Variants in SLC6A18 observed in about 807,000 individuals in gnomAD.
The protein encoded by SLC6A18 is inactive sodium-dependent neutral amino acid transporter B(0)AT3.
SLC6A18 carries 58 observed loss-of-function variants against 62.9 expected under a neutral mutation model. That is an observed-to-expected ratio of 0.92 (90% CI 0.75 to 1.15). SLC6A18 has a LOEUF of 1.15. Ranked by LOEUF, SLC6A18 falls within the 50% of genes most tolerant of loss-of-function variation. The pLI, the probability that SLC6A18 is intolerant of heterozygous loss-of-function variation, is 0.00. For synonymous variants in SLC6A18, 382 were observed against 365.8 expected (o/e 1.04, Z -0.51); for missense variants, 793 against 836.6 (o/e 0.95, Z 0.64).
chr5:1,235,459 G>A, intron 3 of SLC6A18, 22 bp from the exon 4 acceptor site: 2 of 1,610,400 alleles, frequency 1.2e-6, no homozygotes, highest in Non-Finnish European at 1.7e-6. Context: ...CAGCCAGCCT[G>A]TGACAGGCCC....
At chr5:1,231,417 T>G (rs984703456) in intron 1 of SLC6A18, among the ~76,000 whole-genome samples, 2 of 152,164 alleles carry the variant, frequency 1.3e-5, no homozygotes, top group Admixed American at 6.5e-5. Context: ...CCAGCCCTGA[T>G]GCAGCTCTCA....
chr5:1,230,726 G>A (rs1278462535), intron 1 of SLC6A18, among the ~76,000 whole-genome samples: 69 of 152,178 alleles, frequency 4.5e-4, no homozygotes, highest in Admixed American at 4.4e-3. Context: ...TGCCAGGCGC[G>A]GAGACGCACG....
chr5:1,227,993 C>T lies in SLC6A18; in HGVS notation c.160+2356C>T, dbSNP rs1462799604. Among the ~76,000 whole-genome samples the T allele has an allele frequency of 2.6e-5, 4 of 151,952 alleles. No homozygotes were observed. In the East Asian group the frequency reaches 5.8e-4, roughly 22 times the overall value. On this transcript the variant is annotated intron_variant, in intron 1 of 11. Transcript: ENST00000324642. ...CCCCCTCCCCGCTACTTCCTGCCTC[C>T]GGTGTTCAACCGACTTCTGTATCTG...
Position 1,232,284 on chromosome 5 carries a change from C to A in SLC6A18, c.226C>A (p.Leu76Ile). ...GGGGATCCCCATTTTCCACGTCGAG[C>A]TCGCCATCGGCCAGCGGCTGCGGAA... ...FEGIPIFHVE[L>I]AIGQRLRKGS... Residue 76 changes from leucine (L) to isoleucine (I), a missense_variant, in exon 2 of 12, where the codon CTC (leucine) becomes ATC (isoleucine). By Grantham distance (5) the Leu-to-Ile change is conservative. Coordinates refer to ENST00000324642, the MANE Select transcript of SLC6A18 (RefSeq NM_182632.3). 4.3e-6 allele frequency: 7 copies of A among 1,613,018 alleles called. No individual in the cohort carries two copies. Among genetic ancestry groups the A allele is most frequent in the Non-Finnish European group, 5.9e-6 (7 of 1,179,906 alleles).
Position 1,226,444 on chromosome 5 carries a change from A to G in SLC6A18, c.160+807A>G, listed in dbSNP as rs376455794. On this transcript the variant is annotated intron_variant, in intron 1 of 11. Transcript: ENST00000324642. ...CTTCCCAGGCCGCAGGGTCCTCCTC[A>G]GGCCAGGCCGGGCTGCTTGGTCAGC... 6.6e-3 allele frequency among the ~76,000 whole-genome samples: 1,002 copies of G among 152,292 alleles called. 13 individuals are homozygous for G. The highest frequency in any genetic ancestry group is 0.023 in the African/African-American group (954 of 41,556).
At position 1,240,660 on chromosome 5, in the gene SLC6A18, G is replaced by A. The variant is rs914793743; in HGVS notation, c.974+1G>A. ...ATGACTACGAGCACTGCCTGGACAG[G>A]TGAGCACAGGTGCCGCGCCTGGCTC... On this transcript the variant is annotated splice_donor_variant, in intron 7 of 11. Coordinates refer to ENST00000324642, the MANE Select transcript of SLC6A18 (RefSeq NM_182632.3). LOFTEE classifies it high-confidence loss of function. 6 of 1,613,600 alleles carry A rather than the reference G, an allele frequency of 3.7e-6. No individual in the cohort carries two copies. In the East Asian group the frequency reaches 1.3e-4, roughly 36 times the overall value.
At chr5:1,232,428 G>A (rs1437941753) in intron 2 of SLC6A18, 69 bp downstream of exon 2, 2 of 1,544,568 alleles carry the variant, frequency 1.3e-6, no homozygotes, top group Non-Finnish European at 1.8e-6. Flanking sequence ...TGAGAGGTGG[G>A]GCGGGGGCGG....
In SLC6A18 at chr5:1,241,018, G is replaced by A. The variant is rs906478600; in HGVS notation, c.974+359G>A. On this transcript the variant is annotated intron_variant, in intron 7 of 11. Coordinates refer to ENST00000324642, the MANE Select transcript of SLC6A18 (RefSeq NM_182632.3). The surrounding 1 kb of genome is among the most constrained non-coding windows in gnomAD (Gnocchi z 7.8). Reference sequence around the variant, plus strand: ...CCACAGCCCAGGGATGCCTGAAGGTGCAGAAGCTGGAAGAGGCGGGAGGAG... The same window carrying A: ...CCACAGCCCAGGGATGCCTGAAGGTACAGAAGCTGGAAGAGGCGGGAGGAG... Among the ~76,000 whole-genome samples the A allele has an allele frequency of 1.3e-5, 2 of 152,238 alleles. No homozygotes were observed. Among genetic ancestry groups the A allele is most frequent in the African/African-American group, 2.4e-5 (1 of 41,462 alleles).
chr5:1,233,850 T>G (rs1281628850), intron 3 of SLC6A18, among the ~76,000 whole-genome samples: 1 of 151,810 alleles, frequency 6.6e-6, no homozygotes, highest in Non-Finnish European at 1.5e-5. Flanking sequence ...CACGCCATTC[T>G]CCTGCCTCAG....
chr5:1,242,836 C>T lies in SLC6A18; in HGVS notation c.1104C>T (p.Ala368=). 6.2e-7 allele frequency: 1 copy of T among 1,612,390 alleles called. No individual in the cohort carries two copies. ...PKRVAQLPLK[A]CLLEDFLDKS... is the part of the protein sequence containing the mutation. ...GGGTGGCCCAGCTCCCCCTGAAGGC[C>T]TGCCTCCTGGAAGACTTTCTGGATA... Residue 368 remains alanine (A), a synonymous_variant, in exon 8 of 12, where the codon GCC becomes GCT. Transcript: ENST00000324642.
In SLC6A18 at chr5:1,225,421, T is replaced by A; in HGVS notation, c.-57T>A. ...GCAGAGGCTGGAGACGGCTCTCTAGTGCTGGGTGTGGAGTGAGGCACCACC... is the reference window on the plus strand; with the variant it reads ...GCAGAGGCTGGAGACGGCTCTCTAGAGCTGGGTGTGGAGTGAGGCACCACC... On this transcript the variant is annotated 5_prime_UTR_variant, in exon 1 of 12. Coordinates refer to ENST00000324642, the MANE Select transcript of SLC6A18 (RefSeq NM_182632.3). 1 of 1,544,350 alleles carries A rather than the reference T, an allele frequency of 6.5e-7. No homozygotes were observed. The highest frequency in any genetic ancestry group is 8.7e-7 in the Non-Finnish European group (1 of 1,145,174).
rs565804074 is a variant in SLC6A18 at position 1,228,577 on chromosome 5, G to A, written c.160+2940G>A. Among the ~76,000 whole-genome samples the A allele has an allele frequency of 7.1e-4, 108 of 152,324 alleles. 1 individual carries two copies. The highest frequency in any genetic ancestry group is 3.4e-3 in the Middle Eastern group (1 of 294). On this transcript the variant is annotated intron_variant, in intron 1 of 11. Coordinates refer to ENST00000324642, the MANE Select transcript of SLC6A18 (RefSeq NM_182632.3). The stretch of plus-strand genomic sequence containing the variant: ...GGATCGATTGTAACAGCAGCCAGCC[G>A]TTCACAGCCACCTTTCCCGTCTTCG...
At chr5:1,236,410 C>T (rs1481395225) in intron 4 of SLC6A18, among the ~76,000 whole-genome samples, 1 of 152,170 alleles carries the variant, frequency 6.6e-6, no homozygotes, top group Non-Finnish European at 1.5e-5. Context: ...ACAGCAAATG[C>T]ATTGTTATCA....
rs1447122289 is a variant in SLC6A18 at position 1,241,325 on chromosome 5, G to T, written c.974+666G>T. 6.6e-6 allele frequency among the ~76,000 whole-genome samples: 1 copy of T among 152,200 alleles called. No individual in the cohort carries two copies. The highest frequency in any genetic ancestry group is 1.9e-4 in the East Asian group (1 of 5,194). On this transcript the variant is annotated intron_variant, in intron 7 of 11. Transcript: ENST00000324642. This position sits in a 1 kb window ranked among gnomAD's most constrained non-coding sequence, Gnocchi z 7.8. ...AGACAGCACGTCCCTGCAACATGGGGTGACTCTGACCCCACCAGGGTACAT... is the reference window on the plus strand; with the variant it reads ...AGACAGCACGTCCCTGCAACATGGGTTGACTCTGACCCCACCAGGGTACAT...
chr5:1,233,823 G>A (rs1285229028), intron 3 of SLC6A18, among the ~76,000 whole-genome samples: 2 of 150,872 alleles, frequency 1.3e-5, no homozygotes, highest in Non-Finnish European at 2.9e-5. Context: ...CTCACTGCAA[G>A]CTCTGCCTCC....
Position 1,244,242 on chromosome 5 carries a change from C to T in SLC6A18, c.1365C>T (p.Ser455=), listed in dbSNP as rs144703302. The T allele has an allele frequency of 1.6e-3, 2,608 of 1,613,224 alleles. 11 individuals are homozygous for T. Among genetic ancestry groups the T allele is most frequent in the Non-Finnish European group, 1.4e-3 (1,615 of 1,179,584 alleles). ...TGGTCTGCCTGGTCTGCTTCCTCTC[C>T]GCCACCTGCTTCACGCTGCAGTCTG... ...TGLVCLVCFL[S]ATCFTLQSGN... Residue 455 remains serine (S), a synonymous_variant, in exon 10 of 12, where the codon TCC becomes TCT. Coordinates refer to ENST00000324642, the MANE Select transcript of SLC6A18 (RefSeq NM_182632.3).
rs1004274852 is a variant in SLC6A18, at chr5:1,238,927, G to A, written c.733-523G>A. On this transcript the variant is annotated intron_variant, in intron 5 of 11. Transcript: ENST00000324642. Reference sequence around the variant, plus strand: ...AGAGCATTCTGTACTATCCCAGATCGCGGCACTCCCTGCCCAGCATCCCGA... The same window carrying A: ...AGAGCATTCTGTACTATCCCAGATCACGGCACTCCCTGCCCAGCATCCCGA... Among the ~76,000 whole-genome samples, 3 of 152,212 alleles carry A rather than the reference G, an allele frequency of 2.0e-5. No individual in the cohort carries two copies. The South Asian group carries it at 6.2e-4, about 31-fold the overall frequency.
intron 1 of SLC6A18, among the ~76,000 whole-genome samples, chr5:1,226,898 C>T (rs979128777): frequency 2.6e-5 from 4 of 152,160 alleles, no homozygotes; most frequent in Admixed American, 6.5e-5. Flanking sequence ...CTTTACCCAC[C>T]AACGCCTTGT....
Position 1,233,284 on chromosome 5 carries a change from C to A in SLC6A18, c.439+396C>A, listed in dbSNP as rs142879667. Among the ~76,000 whole-genome samples the A allele has an allele frequency of 3.6e-3, 551 of 152,310 alleles. 3 individuals carry two copies. Among genetic ancestry groups the A allele is most frequent in the African/African-American group, 0.012 (513 of 41,570 alleles). ...CTTGAGGTCAGGAGTTCAAGACCAG[C>A]CTGACCAATATGGTGAAACCCCATC... On this transcript the variant is annotated intron_variant, in intron 3 of 11. Coordinates refer to ENST00000324642, the MANE Select transcript of SLC6A18 (RefSeq NM_182632.3).
Sources: gnomAD v4.1 joint callset for allele counts (sites outside exome capture counted in the v4.1 genomes callset) on GRCh38, gnomAD v4.1.1 for gene constraint, Gnocchi (gnomAD v3.1) non-coding constraint, MANE v1.5 for transcripts, NCBI Gene and HGNC (gene_info 2026-07-23, HGNC 2026-07-21) for gene names.